TAB3: variants seen among roughly 807,000 people sequenced by gnomAD.
TAB3 encodes the protein TGF-beta-activated kinase 1 and MAP3K7-binding protein 3.
In TAB3, 18 loss-of-function variants were observed where a neutral mutation model predicts 48.1. The ratio of observed to expected loss-of-function variants is 0.37; its 90% CI spans 0.26 to 0.55. TAB3 has a LOEUF of 0.55. TAB3 is among the 20% of genes least tolerant of loss of function. The pLI, the probability that TAB3 is intolerant of heterozygous loss-of-function variation, is 0.78. For missense variants in TAB3, 414 were observed against 549.8 expected (o/e 0.75, Z 2.47); for synonymous variants, 185 against 190.2 (o/e 0.97, Z 0.22).
intron 1 of TAB3, among the ~76,000 whole-genome samples, chrX:30,873,482 G>A (rs1939727001): frequency 9.9e-6 from 1 of 101,146 alleles, no homozygotes; most frequent in South Asian, 4.7e-4. Flanking sequence ...CGGAGATCGC[G>A]CCACAGCACT....
chrX:30,879,453 T>C (rs1396900375), intron 1 of TAB3, among the ~76,000 whole-genome samples: 2 of 112,022 alleles, frequency 1.8e-5, no homozygotes, highest in Non-Finnish European at 3.8e-5. Context: ...TGGAATGCAG[T>C]TTATTTAGCA....
At chrX:30,887,771 C>G (rs760844545) in intron 1 of TAB3, among the ~76,000 whole-genome samples, 2 of 112,337 alleles carry the variant, frequency 1.8e-5, no homozygotes, top group Non-Finnish European at 3.8e-5. Context: ...AAGACTCCAT[C>G]AAATAAACAT....
At chrX:30,849,630 T>C (rs1331795529) in intron 7 of TAB3, among the ~76,000 whole-genome samples, 1 of 112,331 alleles carries the variant, frequency 8.9e-6, no homozygotes, top group Non-Finnish European at 1.9e-5. Context: ...GTACTTGCTA[T>C]AATTCTCTTT....
chrX:30,856,339 A>C (rs913608869), intron 5 of TAB3, among the ~76,000 whole-genome samples: 16 of 112,269 alleles, frequency 1.4e-4, no homozygotes, highest in African/African-American at 4.8e-4. Flanking sequence ...TATACTTTCA[A>C]AATCACTGAA....
At chrX:30,862,793 G>A (rs1260008692) in intron 4 of TAB3, among the ~76,000 whole-genome samples, 1 of 111,860 alleles carries the variant, frequency 8.9e-6, no homozygotes, top group Non-Finnish European at 1.9e-5. Flanking sequence ...TTTCCACTGT[G>A]TCACTAGTAG....
In TAB3 at chrX:30,828,295, GATTT is replaced by G. The variant is rs1216862890; in HGVS notation, c.*3128_*3131del. On this transcript the variant is annotated 3_prime_UTR_variant, in exon 11 of 11. Coordinates refer to ENST00000288422, the MANE Select transcript of TAB3 (RefSeq NM_152787.5). ...CAATGACAAAATTTAAGGAAACATT[GATTT>G]ATTTGCATAATTAAAAAGTACTAAA... The G allele has an allele frequency of 8.8e-6, 1 of 113,662 alleles. No homozygotes were observed. Among genetic ancestry groups the G allele is most frequent in the African/African-American group, 3.2e-5 (1 of 30,792 alleles). The allele number at this position is 113,662 out of a possible 1,213,427, so 9.4% of individuals were successfully genotyped here. A position where few individuals can be genotyped will look rare whatever the true frequency, so the allele number is the denominator to read the frequency against.
chrX:30,854,328 C>T lies in TAB3; in HGVS notation c.1337G>A (p.Arg446Gln). ...GPSCTPSPSP[R>Q]VIPNPTTVFK... ...AACTGTAGTTGGGTTTGGTATCACT[C>T]GAGGAGATGGTGATGGAGTACAAGA... is the stretch of plus-strand genomic sequence containing the variant. The change falls in exon 6 of 11, where the codon CGA (arginine) becomes CAA (glutamine). Residue 446 changes from arginine to glutamine, a missense_variant. Arg to Gln is a conservative substitution (Grantham distance 43). Transcript: ENST00000288422. The T allele has an allele frequency of 3.3e-6, 4 of 1,210,988 alleles. No individual in the cohort carries two copies. Among genetic ancestry groups the T allele is most frequent in the East Asian group, 3.0e-5 (1 of 33,813 alleles).
intron 9 of TAB3, among the ~76,000 whole-genome samples, chrX:30,841,605 T>G (rs1224280013): frequency 2.7e-5 from 3 of 111,197 alleles, no homozygotes; most frequent in Non-Finnish European, 5.7e-5. Flanking sequence ...GGTCAGGTAG[T>G]ATTATTTAGA....
chrX:30,854,463 G>A lies in TAB3; in HGVS notation c.1202C>T (p.Thr401Ile). ...AGAACTTGAAGGTGGCGTGGTGGCT[G>A]TGTACAGTGAGTGTTGATTCCGTGG... ...PSPRNQHSLY[T>I]ATTPPSSSPS... Residue 401 changes from threonine to isoleucine, a missense_variant, in exon 6 of 11, where the codon ACA (threonine) becomes ATA (isoleucine). Coordinates refer to ENST00000288422, the MANE Select transcript of TAB3 (RefSeq NM_152787.5). 5.0e-6 allele frequency: 6 copies of A among 1,211,785 alleles called. No homozygotes were observed. The highest frequency in any genetic ancestry group is 6.7e-6 in the Non-Finnish European group (6 of 895,395).
intron 10 of TAB3, among the ~76,000 whole-genome samples, chrX:30,833,233 TG>T (rs1938082260): frequency 9.2e-6 from 1 of 108,927 alleles, no homozygotes; most frequent in Non-Finnish European, 1.9e-5. Flanking sequence ...CCTCCCAAAG[TG>T]CTGGGATTAC....
intron 8 of TAB3, 52 bp from the exon 9 acceptor site, chrX:30,843,101 T>C: frequency 2.8e-6 from 2 of 711,582 alleles, no homozygotes; most frequent in Non-Finnish European, 2.1e-6. Context: ...TTTCCTGTTA[T>C]TTGATTTTTT....
chrX:30,874,397 GC>G (rs921539069), intron 1 of TAB3, among the ~76,000 whole-genome samples: 1 of 112,209 alleles, frequency 8.9e-6, no homozygotes, highest in Non-Finnish European at 1.9e-5. Flanking sequence ...TCTTGGCTAT[GC>G]CTTAATTCTT....
chrX:30,885,892 G>T (rs1018140504), intron 1 of TAB3, among the ~76,000 whole-genome samples: 5 of 111,221 alleles, frequency 4.5e-5, no homozygotes, highest in Admixed American at 2.9e-4. Flanking sequence ...GGACTTGGAG[G>T]AGTTTTGGTG....
intron 1 of TAB3, among the ~76,000 whole-genome samples, chrX:30,873,164 T>TG (rs1939710860): frequency 8.9e-6 from 1 of 112,121 alleles, no homozygotes; most frequent in Admixed American, 9.4e-5. Context: ...AATTTAAGGA[T>TG]GGACTAAGTA....
chrX:30,866,531 CATG>C (rs1939408778), intron 4 of TAB3, among the ~76,000 whole-genome samples: 1 of 110,686 alleles, frequency 9.0e-6, no homozygotes, highest in African/African-American at 3.3e-5. Context: ...ATCAAAATCC[CATG>C]ATGATGAGGG....
rs776850721 is a variant in TAB3, at chrX:30,859,394, G to A, written c.102+93C>T. On this transcript the variant is annotated intron_variant, in intron 5 of 10. Transcript: ENST00000288422. ...CACACACACACACACACACACACAA[G>A]AAAACATACCTGGGTTCTAATTACA... 4.8e-3 allele frequency: 2,023 copies of A among 424,328 alleles called. 8 individuals carry two copies. The highest frequency in any genetic ancestry group is 0.038 in the African/African-American group (816 of 21,555). The allele number at this position is 424,328 out of a possible 1,213,427, so 35.0% of individuals were successfully genotyped here. A position where few individuals can be genotyped will look rare whatever the true frequency, so the allele number is the denominator to read the frequency against.
intron 1 of TAB3, among the ~76,000 whole-genome samples, chrX:30,886,940 T>C (rs141860001): frequency 2.0e-3 from 224 of 112,218 alleles, no homozygotes; most frequent in African/African-American, 6.8e-3. Flanking sequence ...GTTAAGGTCT[T>C]TCATTCCCTT....
chrX:30,840,992 C>T (rs984987086), intron 9 of TAB3, among the ~76,000 whole-genome samples: 1 of 112,186 alleles, frequency 8.9e-6, no homozygotes, highest in Admixed American at 9.4e-5. Flanking sequence ...ATTTTATGAA[C>T]CCAAAAGACT....
chrX:30,863,301 C>T (rs1003679724), intron 4 of TAB3, among the ~76,000 whole-genome samples: 1 of 112,264 alleles, frequency 8.9e-6, no homozygotes, highest in Non-Finnish European at 1.9e-5. Context: ...ATAACTATAT[C>T]ATGTTAAAAT....
Sources: gnomAD v4.1 joint callset for allele counts (sites outside exome capture counted in the v4.1 genomes callset) on GRCh38, gnomAD v4.1.1 for gene constraint, MANE v1.5 for transcripts, NCBI Gene and HGNC (gene_info 2026-07-23, HGNC 2026-07-21) for gene names.